Variants in RYR2 observed in about 807,000 individuals in gnomAD.
RYR2 encodes cardiac muscle ryanodine receptor-calcium release channel.
RYR2 carries 227 observed loss-of-function variants against 601.1 expected under a neutral mutation model. That is an observed-to-expected ratio of 0.38 (90% confidence interval 0.34 to 0.42). The LOEUF (loss-of-function observed/expected upper bound fraction) is 0.42. Ranked by LOEUF, RYR2 falls within the 10% of genes least tolerant of loss-of-function variation. The pLI is 1.00. For synonymous variants in RYR2, 2,223 were observed against 2,175.1 expected (o/e 1.02, Z -0.61); for missense variants, 4,646 against 6,156.5 (o/e 0.75, Z 8.21).
At chr1:237,571,496 G>A (rs1386859030) in intron 29 of RYR2, among the ~76,000 whole-genome samples, 1 of 151,926 alleles carries the variant, frequency 6.6e-6, no homozygotes, top group East Asian at 1.9e-4. Flanking sequence ...TGTATTTTTA[G>A]TAGAGACGGG....
chr1:237,153,367 G>A lies in RYR2; in HGVS notation c.48+110798G>A, dbSNP rs1674949456. On this transcript the variant is annotated intron_variant, in intron 1 of 104. Transcript: ENST00000366574. ...TTGGTAGGGGATCAAACAGAAGACAGGGTCTTCCCTAGAAAGTCTTTAACT... is the reference window on the plus strand; with the variant it reads ...TTGGTAGGGGATCAAACAGAAGACAAGGTCTTCCCTAGAAAGTCTTTAACT... Among the ~76,000 whole-genome samples, 5 of 152,176 alleles carry A rather than the reference G, an allele frequency of 3.3e-5. 1 individual carries two copies. Among genetic ancestry groups the A allele is most frequent in the Admixed American group, 3.3e-4 (5 of 15,280 alleles).
At chr1:237,059,555 T>C (rs1420318545) in intron 1 of RYR2, among the ~76,000 whole-genome samples, 1 of 152,176 alleles carries the variant, frequency 6.6e-6, no homozygotes, top group Non-Finnish European at 1.5e-5. Context: ...AAATTATTGC[T>C]GAAGTGTTTT....
At chr1:237,553,185 A>G (rs1259403185) in intron 27 of RYR2, among the ~76,000 whole-genome samples, 1 of 152,014 alleles carries the variant, frequency 6.6e-6, no homozygotes, top group Non-Finnish European at 1.5e-5. Context: ...GTTTCCTTCC[A>G]GAGTTTTATT....
intron 1 of RYR2, among the ~76,000 whole-genome samples, chr1:237,052,354 C>G (rs1053295905): frequency 6.6e-6 from 1 of 151,872 alleles, no homozygotes; most frequent in Non-Finnish European, 1.5e-5. Flanking sequence ...CCAAAACTCA[C>G]GGAGTAAATG....
At chr1:237,282,149 A>G (rs1269447507) in intron 2 of RYR2, among the ~76,000 whole-genome samples, 1 of 151,700 alleles carries the variant, frequency 6.6e-6, no homozygotes. Context: ...TGGAGTGAAC[A>G]CACTGCAGCA....
intron 2 of RYR2, among the ~76,000 whole-genome samples, chr1:237,304,909 A>G (rs1323114393): frequency 2.0e-5 from 3 of 152,232 alleles, no homozygotes; most frequent in African/African-American, 7.2e-5. Flanking sequence ...AAAATGACAG[A>G]TGCATTTCAC....
intron 39 of RYR2, among the ~76,000 whole-genome samples, chr1:237,624,228 C>G (rs543744006): frequency 2.0e-4 from 31 of 152,236 alleles, no homozygotes; most frequent in African/African-American, 7.5e-4. Context: ...TTCGGTTATA[C>G]AAGATGAATG....
chr1:237,620,067 A>T (rs1678914011), intron 38 of RYR2, among the ~76,000 whole-genome samples: 1 of 152,196 alleles, frequency 6.6e-6, no homozygotes, highest in Admixed American at 6.5e-5. Flanking sequence ...GTGCATTTTT[A>T]TTCTCTGGAG....
intron 1 of RYR2, among the ~76,000 whole-genome samples, chr1:237,176,890 C>G (rs1678118068): frequency 6.6e-6 from 1 of 152,106 alleles, no homozygotes; most frequent in Non-Finnish European, 1.5e-5. Context: ...TACAGTACTT[C>G]AAGAAAACTG....
rs552126899 is a variant in RYR2 at position 237,521,397 on chromosome 1, ATCTT to A, written c.2823-9026_2823-9023del. The stretch of plus-strand genomic sequence containing the variant: ...TTCAAACATTAAGGTGACCATGTCA[ATCTT>A]TCTATTTAAAATCCCTTAATGGGGC... On this transcript the variant is annotated intron_variant, in intron 24 of 104. Coordinates refer to ENST00000366574, the MANE Select transcript of RYR2 (RefSeq NM_001035.3). Among the ~76,000 whole-genome samples the A allele has an allele frequency of 3.7e-4, 56 of 152,308 alleles. 2 individuals are homozygous for A. The South Asian group carries it at 0.011, about 31-fold the overall frequency.
At chr1:237,271,730 G>A (rs1689703145) in intron 2 of RYR2, among the ~76,000 whole-genome samples, 1 of 152,148 alleles carries the variant, frequency 6.6e-6, no homozygotes. Context: ...TCCTACGTAT[G>A]GTGTCAGTAA....
intron 58 of RYR2, among the ~76,000 whole-genome samples, chr1:237,669,573 G>A (rs1346360876): frequency 4.6e-5 from 7 of 150,600 alleles, no homozygotes; most frequent in Admixed American, 6.6e-5. Context: ...CTTCTCAGAC[G>A]GGGCAGTTGC....
intron 1 of RYR2, among the ~76,000 whole-genome samples, chr1:237,235,333 G>A (rs376231294): frequency 2.4e-4 from 37 of 152,302 alleles, no homozygotes; most frequent in African/African-American, 6.5e-4. Context: ...CTAGCCTCTC[G>A]AGAGCAGCCC....
intron 1 of RYR2, among the ~76,000 whole-genome samples, chr1:237,126,176 G>A (rs527858009): frequency 7.3e-5 from 11 of 151,694 alleles, no homozygotes; most frequent in African/African-American, 2.7e-4. Flanking sequence ...GGCAGAGGTT[G>A]CAGTGAGCCG....
chr1:237,395,771 C>A lies in RYR2; in HGVS notation c.773+7588C>A, dbSNP rs188354239. ...CCGTGTTAGCCAGGATGGTCTTGAT[C>A]TCCTGAACTCGTGATGCGCCCTCCT... On this transcript the variant is annotated intron_variant, in intron 10 of 104. Transcript: ENST00000366574. 1.8e-3 allele frequency among the ~76,000 whole-genome samples: 278 copies of A among 152,184 alleles called. 2 individuals carry two copies. Among genetic ancestry groups the A allele is most frequent in the African/African-American group, 6.1e-3 (255 of 41,514 alleles).
intron 19 of RYR2, among the ~76,000 whole-genome samples, chr1:237,494,996 G>A (rs553167464): frequency 3.9e-4 from 60 of 152,034 alleles, no homozygotes; most frequent in Admixed American, 1.6e-3. Flanking sequence ...TCACCATGTT[G>A]GCCAGCCTGG....
intron 1 of RYR2, among the ~76,000 whole-genome samples, chr1:237,236,496 C>A (rs1341534052): frequency 6.6e-6 from 1 of 152,130 alleles, no homozygotes; most frequent in Non-Finnish European, 1.5e-5. Context: ...TAGACATTTA[C>A]AAATTTGTCC....
chr1:237,771,455 A>C (rs1694270019), intron 85 of RYR2, among the ~76,000 whole-genome samples: 1 of 151,794 alleles, frequency 6.6e-6, no homozygotes, highest in Admixed American at 6.6e-5. Context: ...AAACATATAA[A>C]TAGTTATAGA....
chr1:237,518,811 T>G (rs891035908), intron 24 of RYR2, among the ~76,000 whole-genome samples: 1 of 152,200 alleles, frequency 6.6e-6, no homozygotes, highest in East Asian at 1.9e-4. Context: ...GTAGTTTTAT[T>G]TTTAGTTCCT....
Sources: allele counts gnomAD v4.1 joint callset (sites outside exome capture counted in the v4.1 genomes callset), GRCh38; gene constraint gnomAD v4.1.1; transcripts MANE v1.5; gene names NCBI Gene and HGNC (gene_info 2026-07-23, HGNC 2026-07-21).